The following LOC128125817 variants were observed in gnomAD, a reference collection of about 807,000 sequenced individuals.
the LOC128125817 span, among the ~76,000 whole-genome samples, chr1:41,614,446 G>T: frequency 6.6e-6 from 1 of 152,184 alleles, no homozygotes; most frequent in South Asian, 2.1e-4. Context: ...CACCCTTTCT[G>T]CCTAAGGCAA....
At chr1:41,606,953 T>C in the LOC128125817 span, among the ~76,000 whole-genome samples, 2 of 152,164 alleles carry the variant, frequency 1.3e-5, no homozygotes, top group Non-Finnish European at 2.9e-5. Context: ...CAGTATGATC[T>C]TTCTAGTTTA....
At chr1:41,599,558 G>C in the LOC128125817 span, among the ~76,000 whole-genome samples, 1 of 152,242 alleles carries the variant, frequency 6.6e-6, no homozygotes, top group African/African-American at 2.4e-5. Context: ...GGCAGTCAAC[G>C]CACCTGAAAA....
the LOC128125817 span, among the ~76,000 whole-genome samples, chr1:41,605,189 A>C: frequency 7.6e-6 from 1 of 131,600 alleles, no homozygotes; most frequent in African/African-American, 2.8e-5. Flanking sequence ...AGGGGAGGGA[A>C]GGGAAGGGAA....
At chr1:41,608,505 C>T in the LOC128125817 span, among the ~76,000 whole-genome samples, 1 of 152,164 alleles carries the variant, frequency 6.6e-6, no homozygotes, top group African/African-American at 2.4e-5. Flanking sequence ...AGGGGTCCAA[C>T]TGTACTTGCT....
chr1:41,626,306 TCCAG>T, the LOC128125817 span, among the ~76,000 whole-genome samples: 1 of 152,204 alleles, frequency 6.6e-6, no homozygotes, highest in Admixed American at 6.5e-5. Context: ...TCACCTGGAC[TCCAG>T]CAGCACCAAG....
the LOC128125817 span, among the ~76,000 whole-genome samples, chr1:41,620,001 C>T: frequency 1.3e-5 from 2 of 152,172 alleles, no homozygotes; most frequent in African/African-American, 2.4e-5. Flanking sequence ...CTCACAGGCT[C>T]TGCAGGGGTT....
the LOC128125817 span, among the ~76,000 whole-genome samples, chr1:41,616,352 T>C: frequency 3.9e-5 from 6 of 152,156 alleles, no homozygotes; most frequent in Non-Finnish European, 7.4e-5. Context: ...AAAGGACGTG[T>C]CTTGGCATGT....
the LOC128125817 span, among the ~76,000 whole-genome samples, chr1:41,585,485 C>T: frequency 6.6e-6 from 1 of 152,098 alleles, no homozygotes; most frequent in Non-Finnish European, 1.5e-5. Context: ...GCTCCGGCTC[C>T]ACATGTCCAA....
the LOC128125817 span, among the ~76,000 whole-genome samples, chr1:41,588,003 G>T: frequency 6.6e-6 from 1 of 152,200 alleles, no homozygotes; most frequent in South Asian, 2.1e-4. Flanking sequence ...TAACCACACT[G>T]CAGCTGCTGG....
At chr1:41,610,678 G>A in the LOC128125817 span, among the ~76,000 whole-genome samples, 1 of 152,220 alleles carries the variant, frequency 6.6e-6, no homozygotes. Context: ...CACCTGTCCA[G>A]CTTCTCCAGC....
the LOC128125817 span, among the ~76,000 whole-genome samples, chr1:41,611,818 G>C: frequency 6.6e-6 from 1 of 152,168 alleles, no homozygotes; most frequent in African/African-American, 2.4e-5. Flanking sequence ...ACTAGAGTTG[G>C]GTTTCGGGGA....
chr1:41,589,945 C>T, the LOC128125817 span, among the ~76,000 whole-genome samples: 15 of 152,200 alleles, frequency 9.9e-5, no homozygotes, highest in African/African-American at 3.6e-4. Flanking sequence ...GAACCCAGGG[C>T]ACAAGGCCAC....
the LOC128125817 span, among the ~76,000 whole-genome samples, chr1:41,605,371 A>ACGCG: frequency 3.6e-3 from 460 of 126,510 alleles, 3 homozygotes; most frequent in East Asian, 0.023. Context: ...ACACACGCAC[A>ACGCG]CGCGCACACA....
At chr1:41,618,593 T>C in the LOC128125817 span, among the ~76,000 whole-genome samples, 1 of 152,130 alleles carries the variant, frequency 6.6e-6, no homozygotes, top group African/African-American at 2.4e-5. Context: ...GTTCTTTCCC[T>C]TTCGGTGGTG....
chr1:41,595,679 G>A, the LOC128125817 span, among the ~76,000 whole-genome samples: 1 of 152,110 alleles, frequency 6.6e-6, no homozygotes, highest in Non-Finnish European at 1.5e-5. Flanking sequence ...CAGTGGACTG[G>A]GAAAGGCAGA....
the LOC128125817 span, among the ~76,000 whole-genome samples, chr1:41,604,366 C>T: frequency 2.6e-5 from 4 of 152,262 alleles, no homozygotes; most frequent in East Asian, 7.7e-4. Context: ...AGTACTGCTA[C>T]AGACAAAAAT....
the LOC128125817 span, among the ~76,000 whole-genome samples, chr1:41,604,987 C>T: frequency 3.3e-5 from 5 of 151,182 alleles, no homozygotes; most frequent in Non-Finnish European, 5.9e-5. Flanking sequence ...CACCTGTGGT[C>T]CTAGCTACTT....
the LOC128125817 span, among the ~76,000 whole-genome samples, chr1:41,627,714 G>A: frequency 6.6e-6 from 1 of 152,156 alleles, no homozygotes; most frequent in Admixed American, 6.5e-5. Context: ...ATGTTGCCTT[G>A]GAAATCTCAG....
chr1:41,620,358 G>A, the LOC128125817 span, among the ~76,000 whole-genome samples: 1 of 152,168 alleles, frequency 6.6e-6, no homozygotes, highest in Non-Finnish European at 1.5e-5. Flanking sequence ...TAGGATAGCT[G>A]GCTTTATTCT....
Sources: gnomAD v4.1 joint callset for allele counts (sites outside exome capture counted in the v4.1 genomes callset) on GRCh38, gnomAD v4.1.1 for gene constraint, MANE v1.5 for transcripts.